FYTTD1: variants seen among roughly 807,000 people sequenced by gnomAD.
FYTTD1 encodes the protein forty-two-three domain containing 1.
A neutral mutation model predicts 40.9 loss-of-function variants in FYTTD1; 22 were observed. The ratio of observed to expected loss-of-function variants is 0.54; its 90% CI spans 0.38 to 0.77. The LOEUF (loss-of-function observed/expected upper bound fraction) is 0.77, where lower values mean the gene tolerates loss of function less well. FYTTD1 is among the 30% of genes least tolerant of loss of function. The pLI is 0.00. For synonymous variants in FYTTD1, 140 were observed against 137.9 expected, an observed-to-expected ratio of 1.01 and a Z score of -0.10; for missense variants, 351 against 392.2, an observed-to-expected ratio of 0.90 and a Z score of 0.89.
At chr3:197,749,682 C>T (rs1327141902), upstream of FYTTD1, 1 of 687,612 alleles carries the variant, frequency 1.5e-6, no homozygotes, top group South Asian at 1.5e-5. Context: ...CCAGTTTGGG[C>T]GGAAAGTCGA....
At chr3:197,751,221 G>A (rs1020061526) in intron 1 of FYTTD1, among the ~76,000 whole-genome samples, 1 of 152,200 alleles carries the variant, frequency 6.6e-6, no homozygotes, top group Non-Finnish European at 1.5e-5. Flanking sequence ...CAGGTGAGAT[G>A]GGAACTATTG....
At chr3:197,750,967 A>G (rs1172870879) in intron 1 of FYTTD1, 4 of 473,458 alleles carry the variant, frequency 8.4e-6, no homozygotes, top group Non-Finnish European at 1.1e-5. Flanking sequence ...TAGGTGGGCT[A>G]AAAGTACGAA....
intron 1 of FYTTD1, chr3:197,750,726 G>A: frequency 1.0e-6 from 1 of 985,486 alleles, no homozygotes; most frequent in Non-Finnish European, 1.2e-6. Flanking sequence ...GCCTAGAAAA[G>A]CACAGTCTCC....
intron 7 of FYTTD1, 133 bp downstream of exon 7, chr3:197,777,134 A>G (rs756992689): frequency 2.1e-5 from 13 of 616,332 alleles, no homozygotes; most frequent in Non-Finnish European, 3.2e-5. Flanking sequence ...CCTGTGATAC[A>G]ATATGGAAAC....
At chr3:197,750,915 C>A in intron 1 of FYTTD1, 1 of 898,094 alleles carries the variant, frequency 1.1e-6, no homozygotes, top group Non-Finnish European at 1.3e-6. Context: ...CCATTAAAAT[C>A]CAGCCCTGAC....
chr3:197,776,600 A>G (rs1181453713), intron 6 of FYTTD1, among the ~76,000 whole-genome samples: 1 of 151,970 alleles, frequency 6.6e-6, no homozygotes, highest in Non-Finnish European at 1.5e-5. Flanking sequence ...AAACAGGTTA[A>G]AAGTGCTGCC....
intron 2 of FYTTD1, among the ~76,000 whole-genome samples, chr3:197,761,475 A>G (rs62283413): frequency 0.89 from 134,479 of 151,610 alleles, 59,744 homozygotes; most frequent in East Asian, 0.99. Context: ...AGAATGTATA[A>G]AGTGTTCTTC....
At chr3:197,760,465 G>A in intron 2 of FYTTD1, among the ~76,000 whole-genome samples, 1 of 149,874 alleles carries the variant, frequency 6.7e-6, no homozygotes, top group East Asian at 2.0e-4. Flanking sequence ...GGGTCTTCAC[G>A]GGTAGAATGT....
At chr3:197,755,733 C>T (rs1373366560) in intron 1 of FYTTD1, 1 of 1,425,148 alleles carries the variant, frequency 7.0e-7, no homozygotes, top group Admixed American at 2.2e-5. Context: ...AATGATCCGC[C>T]CACCTCAGCC....
intron 2 of FYTTD1, chr3:197,763,683 A>G (rs1729458369): frequency 4.3e-6 from 1 of 231,374 alleles, no homozygotes. Context: ...TACTAGAGGT[A>G]GAAGAGTTGG....
intron 1 of FYTTD1, among the ~76,000 whole-genome samples, chr3:197,753,430 G>A (rs192178182): frequency 3.4e-4 from 50 of 145,672 alleles, no homozygotes; most frequent in Middle Eastern, 3.5e-3. Flanking sequence ...CTGTGCTGTA[G>A]TACTTACCAC....
intron 1 of FYTTD1, chr3:197,750,961 T>A: frequency 1.8e-6 from 1 of 541,640 alleles, no homozygotes; most frequent in Non-Finnish European, 2.4e-6. Flanking sequence ...TTAGCTTAGG[T>A]GGGCTAAAAG....
At chr3:197,750,165 G>A in intron 1 of FYTTD1, 91 bp downstream of exon 1, 1 of 1,007,942 alleles carries the variant, frequency 9.9e-7, no homozygotes, top group South Asian at 1.9e-5. Flanking sequence ...GCGGTCGGCA[G>A]CAGTTGCCGG....
chr3:197,773,933 A>C (rs992298996), intron 5 of FYTTD1, among the ~76,000 whole-genome samples: 2 of 149,418 alleles, frequency 1.3e-5, no homozygotes, highest in Non-Finnish European at 3.0e-5. Flanking sequence ...ACTCACGCAC[A>C]CGCCCCACTG....
rs1187785283 is a variant in FYTTD1 at position 197,783,745 on chromosome 3, T to C, written c.*1836T>C. Reference sequence around the variant, plus strand: ...GAAAAGCAGCTGAGCTCAAGTTTGCTGTCTTTAGAATGGTTTGTGAAAATA... The same window carrying C: ...GAAAAGCAGCTGAGCTCAAGTTTGCCGTCTTTAGAATGGTTTGTGAAAATA... On this transcript the variant is annotated 3_prime_UTR_variant, in exon 9 of 9. Transcript: ENST00000241502. 1 of 152,312 alleles carries C rather than the reference T, an allele frequency of 6.6e-6. No homozygotes were observed. Among genetic ancestry groups the C allele is most frequent in the Non-Finnish European group, 1.5e-5 (1 of 68,044 alleles). The allele number at this position is 152,312 out of a possible 1,614,324, so 9.4% of individuals were successfully genotyped here.
At chr3:197,752,013 A>G (rs2109033772) in intron 1 of FYTTD1, among the ~76,000 whole-genome samples, 1 of 152,154 alleles carries the variant, frequency 6.6e-6, no homozygotes, top group East Asian at 1.9e-4. Context: ...CTGTGATTAC[A>G]GGCACACGCC....
chr3:197,755,732 C>G (rs1179897751), intron 1 of FYTTD1: 4 of 1,420,772 alleles, frequency 2.8e-6, no homozygotes, highest in Non-Finnish European at 3.8e-6. Flanking sequence ...AAATGATCCG[C>G]CCACCTCAGC....
At chr3:197,753,195 T>C (rs182823095) in intron 1 of FYTTD1, among the ~76,000 whole-genome samples, 2 of 152,308 alleles carry the variant, frequency 1.3e-5, no homozygotes, top group East Asian at 1.9e-4. Context: ...TTACTATGCT[T>C]TGTGAATGTT....
At position 197,785,017 on chromosome 3, in the gene FYTTD1, G is replaced by T. The variant is rs1334519619; in HGVS notation, c.*3108G>T. The T allele has an allele frequency of 6.6e-6, 1 of 152,170 alleles. No homozygotes were observed. The highest frequency in any genetic ancestry group is 1.5e-5 in the Non-Finnish European group (1 of 68,022). 9.4% of individuals were successfully genotyped at this position (152,170 alleles called of 1,614,324 possible). A position where few individuals can be genotyped will look rare whatever the true frequency, so the allele number is the denominator to read the frequency against. On this transcript the variant is annotated 3_prime_UTR_variant, in exon 9 of 9. Coordinates refer to ENST00000241502, the MANE Select transcript of FYTTD1 (RefSeq NM_032288.7). ...GAATTAACACCCACAGAAAATAGTGGAATGGTGTGTGGTTTTCAAATACCT... is the reference window on the plus strand; with the variant it reads ...GAATTAACACCCACAGAAAATAGTGTAATGGTGTGTGGTTTTCAAATACCT...
Sources: allele counts gnomAD v4.1 joint callset (sites outside exome capture counted in the v4.1 genomes callset), GRCh38; gene constraint gnomAD v4.1.1; transcripts MANE v1.5; gene names NCBI Gene and HGNC (gene_info 2026-07-23, HGNC 2026-07-21).